KCNH5: variants seen among roughly 807,000 people sequenced by gnomAD.
KCNH5 encodes potassium voltage-gated channel subfamily H member 5, also known as voltage-gated delayed rectifier potassium channel KCNH5.
A neutral mutation model predicts 96.1 loss-of-function variants in KCNH5; 46 were observed. That is an observed-to-expected ratio of 0.48 (90% CI 0.38 to 0.61). KCNH5 has a LOEUF of 0.61. KCNH5 is among the 20% of genes least tolerant of loss of function. The probability of loss-of-function intolerance (pLI) is 0.00; values close to 1 mark genes in which losing one functional copy is unlikely to be tolerated. For missense variants in KCNH5, 907 were observed against 1,225.8 expected (o/e 0.74, Z 3.88); for synonymous variants, 439 against 449.8 (o/e 0.98, Z 0.30).
At chr14:62,958,352 C>A (rs991436) in intron 6 of KCNH5, among the ~76,000 whole-genome samples, 47,738 of 152,048 alleles carry the variant, frequency 0.31, 8,624 homozygotes, top group Non-Finnish European at 0.41. Context: ...TGGAGGTGAG[C>A]CTTCCAATAG....
At position 62,712,724 on chromosome 14, in the gene KCNH5, C is replaced by G; in HGVS notation, c.2020-4269G>C. 3 of 778,124 alleles carry G rather than the reference C, an allele frequency of 3.9e-6. No individual in the cohort carries two copies. In the South Asian group the frequency reaches 4.1e-5, roughly 11 times the overall value. The allele number at this position is 778,124 out of a possible 1,614,324, so 48.2% of individuals were successfully genotyped here. A position where few individuals can be genotyped will look rare whatever the true frequency, so the allele number is the denominator to read the frequency against. ...TGCCATGGAGAACCATCCCTGAAAG[C>G]AGTGAATTGAACACAATTGAAGCTG... On this transcript the variant is annotated intron_variant, in intron 10 of 10. Transcript: ENST00000322893.
intron 1 of KCNH5, among the ~76,000 whole-genome samples, chr14:63,020,303 G>T (rs949630289): frequency 8.6e-5 from 13 of 152,030 alleles, no homozygotes; most frequent in African/African-American, 3.1e-4. Flanking sequence ...TCACTTCTAG[G>T]TATTTATGCA....
intron 8 of KCNH5, among the ~76,000 whole-genome samples, chr14:62,827,998 T>A (rs1407485052): frequency 6.6e-6 from 1 of 152,144 alleles, no homozygotes; most frequent in Non-Finnish European, 1.5e-5. Flanking sequence ...CTCCTCTATA[T>A]TTGTTCTTAT....
intron 5 of KCNH5, 21 bp from the exon 6 acceptor site, chr14:62,981,285 T>G: frequency 6.2e-7 from 1 of 1,610,556 alleles, no homozygotes; most frequent in Non-Finnish European, 8.5e-7. Flanking sequence ...GAAAATGTAT[T>G]TATACATGAC....
At chr14:62,896,106 C>T (rs189725036) in intron 7 of KCNH5, among the ~76,000 whole-genome samples, 148 of 152,272 alleles carry the variant, frequency 9.7e-4, no homozygotes, top group African/African-American at 3.4e-3. Context: ...GAACCTACAG[C>T]AACAGTCCCA....
chr14:62,829,005 T>C (rs1887285266), intron 8 of KCNH5, among the ~76,000 whole-genome samples: 2 of 152,124 alleles, frequency 1.3e-5, no homozygotes, highest in African/African-American at 4.8e-5. Flanking sequence ...ACAAAGGAGT[T>C]CCAGGACTTT....
intron 10 of KCNH5, among the ~76,000 whole-genome samples, chr14:62,749,065 C>T (rs974955297): frequency 2.0e-5 from 3 of 152,154 alleles, no homozygotes; most frequent in Admixed American, 1.3e-4. Flanking sequence ...CAGCACTCGG[C>T]TTTGATCAAA....
chr14:62,895,852 C>T (rs1566698989), intron 7 of KCNH5, among the ~76,000 whole-genome samples: 2 of 152,132 alleles, frequency 1.3e-5, no homozygotes, highest in Non-Finnish European at 2.9e-5. Context: ...CTCTATGTAG[C>T]ACACATGGAT....
intron 4 of KCNH5, among the ~76,000 whole-genome samples, chr14:62,990,548 T>G (rs1366625188): frequency 6.6e-6 from 1 of 152,058 alleles, no homozygotes; most frequent in African/African-American, 2.4e-5. Flanking sequence ...TATCATTGAT[T>G]TGAAAAACAG....
intron 10 of KCNH5, among the ~76,000 whole-genome samples, chr14:62,769,752 T>G (rs1885945948): frequency 6.6e-6 from 1 of 152,258 alleles, no homozygotes; most frequent in African/African-American, 2.4e-5. Flanking sequence ...TAAAAACTGC[T>G]GGGCAGCGTG....
intron 1 of KCNH5, among the ~76,000 whole-genome samples, chr14:63,019,724 C>T (rs551751320): frequency 1.3e-5 from 2 of 152,006 alleles, no homozygotes; most frequent in South Asian, 2.1e-4. Context: ...AATTATAAAC[C>T]TTCTAGAAGA....
chr14:62,928,303 C>A (rs528083546), intron 7 of KCNH5, among the ~76,000 whole-genome samples: 1 of 152,138 alleles, frequency 6.6e-6, no homozygotes, highest in South Asian at 2.1e-4. Context: ...TGAAAAAGAT[C>A]TTCAATAATA....
At chr14:62,868,733 G>A (rs750086258) in intron 7 of KCNH5, among the ~76,000 whole-genome samples, 12 of 151,990 alleles carry the variant, frequency 7.9e-5, no homozygotes, top group Non-Finnish European at 1.6e-4. Context: ...TCCCCTCCCT[G>A]TGTCCATGTG....
intron 7 of KCNH5, among the ~76,000 whole-genome samples, chr14:62,869,327 T>G (rs1325451626): frequency 1.3e-5 from 2 of 152,202 alleles, no homozygotes; most frequent in African/African-American, 4.8e-5. Context: ...GCCATATAAA[T>G]GTCTTCTTTT....
At chr14:62,946,792 C>T (rs1889895945) in intron 7 of KCNH5, among the ~76,000 whole-genome samples, 1 of 152,042 alleles carries the variant, frequency 6.6e-6, no homozygotes, top group African/African-American at 2.4e-5. Flanking sequence ...ATCTCAGGGG[C>T]ATTATGCTGA....
chr14:63,032,660 A>C (rs970455554), intron 1 of KCNH5, among the ~76,000 whole-genome samples: 1 of 152,184 alleles, frequency 6.6e-6, no homozygotes, highest in African/African-American at 2.4e-5. Flanking sequence ...GTTTCTTATC[A>C]AAATCTGAAA....
At chr14:62,871,909 G>C (rs150524855) in intron 7 of KCNH5, among the ~76,000 whole-genome samples, 1 of 152,272 alleles carries the variant, frequency 6.6e-6, no homozygotes, top group East Asian at 1.9e-4. Context: ...GTCATTGTTT[G>C]TGTTCAGTGG....
chr14:62,978,839 A>G (rs930749656), intron 6 of KCNH5, among the ~76,000 whole-genome samples: 3 of 152,192 alleles, frequency 2.0e-5, no homozygotes, highest in Non-Finnish European at 4.4e-5. Flanking sequence ...GACGTTTTAA[A>G]GTATGTATGC....
chr14:62,914,649 C>T (rs754652243), intron 7 of KCNH5, among the ~76,000 whole-genome samples: 15 of 152,142 alleles, frequency 9.9e-5, no homozygotes, highest in Non-Finnish European at 2.1e-4. Flanking sequence ...AGGTCCTTTG[C>T]CCCTTCCACC....
Sources: allele counts gnomAD v4.1 joint callset (sites outside exome capture counted in the v4.1 genomes callset), GRCh38; gene constraint gnomAD v4.1.1; transcripts MANE v1.5; gene names NCBI Gene and HGNC (gene_info 2026-07-23, HGNC 2026-07-21).